Variants in LDB1 observed in about 807,000 individuals in gnomAD.
LDB1 encodes LIM domain-binding protein 1.
Under a neutral mutation model 49.7 loss-of-function variants are expected in LDB1, and 6 were observed. That is an observed-to-expected ratio of 0.12 (90% CI 0.07 to 0.24). The LOEUF (loss-of-function observed/expected upper bound fraction) is 0.24, where lower values mean the gene tolerates loss of function less well. Ranked by LOEUF, LDB1 falls within the 10% of genes least tolerant of loss-of-function variation. The pLI, the probability that LDB1 is intolerant of heterozygous loss-of-function variation, is 1.00. For synonymous variants in LDB1, 233 were observed against 202.0 expected (o/e 1.15, Z -1.30); for missense variants, 341 against 561.7 (o/e 0.61, Z 3.97).
chr10:102,113,619 C>A (rs963376523), intron 1 of LDB1, among the ~76,000 whole-genome samples: 1 of 152,136 alleles, frequency 6.6e-6, no homozygotes. Context: ...TCAGACCTGG[C>A]CCTCATCCCC....
At chr10:102,105,249 AAAGG>A (rs1423595569), downstream of LDB1, among the ~76,000 whole-genome samples, 3 of 152,146 alleles carry the variant, frequency 2.0e-5, no homozygotes, top group Non-Finnish European at 4.4e-5. Flanking sequence ...CCAGATCTAC[AAAGG>A]AAGAGTTGGG....
downstream of LDB1, among the ~76,000 whole-genome samples, chr10:102,105,264 G>A (rs1420046874): frequency 2.6e-5 from 4 of 152,176 alleles, no homozygotes; most frequent in Non-Finnish European, 5.9e-5. Context: ...AAGAGTTGGG[G>A]GTGGGGTGCA....
At chr10:102,105,799 TAAAAAAA>T (rs1158468815), downstream of LDB1, among the ~76,000 whole-genome samples, 1 of 100,962 alleles carries the variant, frequency 9.9e-6, no homozygotes, top group African/African-American at 3.7e-5. Flanking sequence ...CTATCTCTAC[TAAAAAAA>T]AAAAAAAAAA....
chr10:102,117,549 C>T lies in LDB1; in HGVS notation c.25+2537G>A, dbSNP rs2068350193. The stretch of plus-strand genomic sequence containing the variant: ...CCAGCACTGCCCCCTGCCCGGGCCC[C>T]TGGGGCTCCCTGACCCAGGCCTCCA... On this transcript the variant is annotated intron_variant, in intron 1 of 10. Coordinates refer to ENST00000673968, the MANE Select transcript of LDB1 (RefSeq NM_001113407.3). This position sits in a 1 kb window ranked among gnomAD's most constrained non-coding sequence, Gnocchi z 4.2. 6.6e-6 allele frequency among the ~76,000 whole-genome samples: 1 copy of T among 152,128 alleles called. No homozygotes were observed. Among genetic ancestry groups the T allele is most frequent in the East Asian group, 1.9e-4 (1 of 5,186 alleles).
At chr10:102,119,481 A>G (rs1054555740) in intron 1 of LDB1, among the ~76,000 whole-genome samples, 4 of 151,754 alleles carry the variant, frequency 2.6e-5, no homozygotes, top group African/African-American at 9.7e-5. Flanking sequence ...CTGCCCTCCC[A>G]CTAGGGCGGA....
At position 102,109,139 on chromosome 10, in the gene LDB1, G is replaced by A; in HGVS notation, c.895C>T (p.Arg299Trp). The A allele has an allele frequency of 6.2e-7, 1 of 1,614,030 alleles. No individual in the cohort carries two copies. Among genetic ancestry groups the A allele is most frequent in the Non-Finnish European group, 8.5e-7 (1 of 1,179,970 alleles). Residue 299 changes from arginine (R) to tryptophan (W), a missense_variant, in exon 10 of 11, where the codon CGG becomes TGG. By Grantham distance (101) the Arg-to-Trp change is moderately radical. This residue lies in a region of LDB1 where 233 missense variants were observed against 385.7 expected (regional missense o/e 0.60). Coordinates refer to ENST00000673968, the MANE Select transcript of LDB1 (RefSeq NM_001113407.3). This position sits in a 1 kb window ranked among gnomAD's most constrained non-coding sequence, Gnocchi z 5.8. ...ATGGTGCTGCCCCCTGACATCTTCC[G>A]TTTCCGCCGTTTGCTGGGCTGCTGA... ...TRQQPSKRRK[R>W]KMSGGSTMSS...
chr10:102,114,440 G>A (rs1369856062), intron 1 of LDB1: 1 of 986,226 alleles, frequency 1.0e-6, no homozygotes, highest in Non-Finnish European at 1.2e-6. Flanking sequence ...GAGGTACGGG[G>A]GAGCGACTGC....
In LDB1 at chr10:102,107,677, G is replaced by A. The variant is rs1167839943; in HGVS notation, c.*416C>T. 2.7e-5 allele frequency: 5 copies of A among 187,868 alleles called. No homozygotes were observed. The South Asian group carries it at 4.6e-4, about 17-fold the overall frequency. The allele number at this position is 187,868 out of a possible 1,614,324, so 11.6% of individuals were successfully genotyped here. On this transcript the variant is annotated 3_prime_UTR_variant, in exon 11 of 11. Transcript: ENST00000673968. ...ACCCCTCTATTACCAGCTGCCTAGGGGAAGGAGCATTCAACGAAGCCCCGT... is the reference window on the plus strand; with the variant it reads ...ACCCCTCTATTACCAGCTGCCTAGGAGAAGGAGCATTCAACGAAGCCCCGT...
chr10:102,115,443 G>T (rs1047199578), intron 1 of LDB1, among the ~76,000 whole-genome samples: 2 of 152,166 alleles, frequency 1.3e-5, no homozygotes, highest in Non-Finnish European at 2.9e-5. Flanking sequence ...GGAGCAGCTG[G>T]GGGGAGAGGC....
At position 102,107,962 on chromosome 10, in the gene LDB1, T is replaced by C. The variant is rs117578835; in HGVS notation, c.*131A>G. ...TGGCACCTGCCCCCAGAGAGTCCAG[T>C]TCCTCCCTGAAGCGGGTGGATGGAG... On this transcript the variant is annotated 3_prime_UTR_variant, in exon 11 of 11. Transcript: ENST00000673968. The C allele has an allele frequency of 2.5e-3, 1,988 of 790,238 alleles. 47 individuals are homozygous for C. In the East Asian group the frequency reaches 0.039, roughly 16 times the overall value. 49.0% of individuals were successfully genotyped at this position (790,238 alleles called of 1,614,324 possible).
chr10:102,119,396 T>C (rs2068378945), intron 1 of LDB1, among the ~76,000 whole-genome samples: 1 of 151,260 alleles, frequency 6.6e-6, no homozygotes, highest in South Asian at 2.1e-4. Context: ...GCCTGGGTCC[T>C]CTCTCAAGTT....
intron 10 of LDB1, 62 bp downstream of exon 10, chr10:102,108,967 G>T (rs1345024077): frequency 6.2e-7 from 1 of 1,608,270 alleles, no homozygotes; most frequent in Non-Finnish European, 8.5e-7. Flanking sequence ...CTCAGGCTTG[G>T]AAAGGGGTCA....
At chr10:102,111,767 C>T (rs1285006563) in intron 1 of LDB1, among the ~76,000 whole-genome samples, 4 of 152,158 alleles carry the variant, frequency 2.6e-5, no homozygotes, top group African/African-American at 9.7e-5. Flanking sequence ...AGGAGGATCA[C>T]TTGAGCCTGG....
chr10:102,111,342 G>C (rs752671990), intron 2 of LDB1, 42 bp from the exon 3 acceptor site: 1 of 1,607,670 alleles, frequency 6.2e-7, no homozygotes, highest in African/African-American at 1.3e-5. Context: ...GTTGAAGATA[G>C]GAATTATTGG....
chr10:102,114,257 C>A, intron 1 of LDB1: 1 of 839,928 alleles, frequency 1.2e-6, no homozygotes, highest in Non-Finnish European at 1.4e-6. Context: ...CAGGCCTCCT[C>A]CCTTTAGGGA....
At chr10:102,120,720 G>A (rs950457552), upstream of LDB1, among the ~76,000 whole-genome samples, 1 of 152,192 alleles carries the variant, frequency 6.6e-6, no homozygotes, top group Non-Finnish European at 1.5e-5. Flanking sequence ...GCGAAGGGGA[G>A]GGCTTGGAGG....
chr10:102,114,635 T>TGGGCCGG (rs1391805759), intron 1 of LDB1: 114 of 934,488 alleles, frequency 1.2e-4, no homozygotes, highest in African/African-American at 1.1e-3. Context: ...CAATGGCCAC[T>TGGGCCGG]GGGCCGGGGG....
rs539182978 is a variant in LDB1 at position 102,110,870 on chromosome 10, A to G, written c.351T>C (p.Tyr117=). 61 of 1,613,400 alleles carry G rather than the reference A, an allele frequency of 3.8e-5. 1 individual carries two copies. Among genetic ancestry groups the G allele is most frequent in the Admixed American group, 3.2e-4 (19 of 60,006 alleles). ...TFCLEDGPKR[Y]TIGRTLIPRY... is the part of the protein sequence containing the mutation. ...AGCAAGACCCCAGAGGCCACTTACT[A>G]TATCTCTTTGGTCCATCCTCCAGGC... The change falls in exon 5 of 11, where the codon TAT becomes TAC. Residue 117 remains tyrosine, a splice_region_variant and synonymous_variant. Transcript: ENST00000673968.
Position 102,106,720 on chromosome 10 carries a change from GGA to G in LDB1, c.*1371_*1372del, listed in dbSNP as rs1007747235. ...CCCCAGAATCCAGAGGGAAGAGTGG[GGA>G]GAGAGGTGGTGTTAGCACTTCCTGG... On this transcript the variant is annotated 3_prime_UTR_variant, in exon 11 of 11. Coordinates refer to ENST00000673968, the MANE Select transcript of LDB1 (RefSeq NM_001113407.3). Among the ~76,000 whole-genome samples the G allele has an allele frequency of 1.3e-5, 2 of 152,028 alleles. No individual in the cohort carries two copies. Among genetic ancestry groups the G allele is most frequent in the African/African-American group, 4.8e-5 (2 of 41,384 alleles).
Sources: gnomAD v4.1 joint callset for allele counts (sites outside exome capture counted in the v4.1 genomes callset) on GRCh38, gnomAD v4.1.1 for gene constraint, gnomAD v4.1.1 regional missense constraint, Gnocchi (gnomAD v3.1) non-coding constraint, MANE v1.5 for transcripts, NCBI Gene and HGNC (gene_info 2026-07-23, HGNC 2026-07-21) for gene names.